The following HHAT variants were observed in gnomAD, a reference collection of about 807,000 sequenced individuals.
HHAT encodes the protein protein-cysteine N-palmitoyltransferase HHAT.
Under a neutral mutation model 70.8 loss-of-function variants are expected in HHAT, and 47 were observed. That is an observed-to-expected ratio of 0.66 (90% confidence interval 0.53 to 0.85). The LOEUF (loss-of-function observed/expected upper bound fraction) is 0.85, where lower values mean the gene tolerates loss of function less well. HHAT is among the 40% of genes least tolerant of loss of function. HHAT has a pLI of 0.00. For synonymous variants in HHAT, 228 were observed against 247.6 expected, an observed-to-expected ratio of 0.92 and a Z score of 0.74; for missense variants, 609 against 604.8, an observed-to-expected ratio of 1.01 and a Z score of -0.07.
intron 5 of HHAT, among the ~76,000 whole-genome samples, chr1:210,402,204 C>T (rs1383759329): frequency 2.0e-5 from 3 of 152,220 alleles, no homozygotes; most frequent in African/African-American, 7.2e-5. Flanking sequence ...TCTGGGCACT[C>T]AGCTTCAGAG....
intron 8 of HHAT, among the ~76,000 whole-genome samples, chr1:210,507,720 C>T (rs902116282): frequency 6.6e-6 from 1 of 151,976 alleles, no homozygotes; most frequent in Non-Finnish European, 1.5e-5. Flanking sequence ...GATGGCCCTA[C>T]AAGGGAGGCC....
chr1:210,627,357 C>A (rs1259607898), intron 11 of HHAT, among the ~76,000 whole-genome samples: 1 of 152,150 alleles, frequency 6.6e-6, no homozygotes. Flanking sequence ...TCTCATGATT[C>A]GCCTGGAAAA....
At chr1:210,405,789 T>C (rs768359043) in intron 6 of HHAT, among the ~76,000 whole-genome samples, 2 of 152,252 alleles carry the variant, frequency 1.3e-5, no homozygotes, top group Non-Finnish European at 2.9e-5. Context: ...GAAATTGATA[T>C]TCTAGACAGA....
intron 9 of HHAT, among the ~76,000 whole-genome samples, chr1:210,564,422 A>T (rs751644656): frequency 3.8e-4 from 58 of 152,330 alleles, no homozygotes; most frequent in Admixed American, 1.2e-3. Context: ...GAAAACAGAG[A>T]GCTCCATTGG....
At chr1:210,639,158 C>A (rs1672509682) in intron 11 of HHAT, among the ~76,000 whole-genome samples, 2 of 152,180 alleles carry the variant, frequency 1.3e-5, no homozygotes, top group African/African-American at 4.8e-5. Flanking sequence ...CACCCAACAG[C>A]CTGTCCACTC....
intron 3 of HHAT, among the ~76,000 whole-genome samples, chr1:210,374,716 T>C (rs2090036575): frequency 6.6e-6 from 1 of 152,078 alleles, no homozygotes; most frequent in African/African-American, 2.4e-5. Context: ...GCAGCAGTAG[T>C]ACAGAGAGGC....
chr1:210,552,938 G>A (rs2095539599), intron 9 of HHAT, among the ~76,000 whole-genome samples: 1 of 152,190 alleles, frequency 6.6e-6, no homozygotes. Flanking sequence ...TGGTCTGTGA[G>A]GTCAGGGAGC....
chr1:210,411,213 A>G lies in HHAT; in HGVS notation c.684+6534A>G, dbSNP rs1030057937. Among the ~76,000 whole-genome samples the G allele has an allele frequency of 2.6e-5, 4 of 152,248 alleles. No homozygotes were observed. The East Asian group carries it at 7.7e-4, about 29-fold the overall frequency. ...TCTGGCCTCCTCCTGGCTCCCTTCC[A>G]GTCCAGCTGCTATCTCTCCACTCCC... On this transcript the variant is annotated intron_variant, in intron 6 of 11. Transcript: ENST00000261458.
chr1:210,422,946 A>G (rs1387448303), intron 7 of HHAT, among the ~76,000 whole-genome samples: 1 of 152,144 alleles, frequency 6.6e-6, no homozygotes, highest in Non-Finnish European at 1.5e-5. Flanking sequence ...TTTAAATACC[A>G]CATTTTCTTT....
chr1:210,443,437 G>T (rs2093569955), intron 7 of HHAT, among the ~76,000 whole-genome samples: 1 of 148,550 alleles, frequency 6.7e-6, no homozygotes, highest in South Asian at 2.2e-4. Context: ...ACCTTGGGCA[G>T]TATGGCCATT....
At chr1:210,665,582 C>T (rs1678718547) in intron 11 of HHAT, among the ~76,000 whole-genome samples, 1 of 152,166 alleles carries the variant, frequency 6.6e-6, no homozygotes, top group African/African-American at 2.4e-5. Flanking sequence ...GGTGCTGGAG[C>T]CTCTAGCTAG....
intron 8 of HHAT, among the ~76,000 whole-genome samples, chr1:210,505,599 A>G (rs1402487113): frequency 6.6e-6 from 1 of 152,146 alleles, no homozygotes; most frequent in Non-Finnish European, 1.5e-5. Flanking sequence ...TCTAGGTATA[A>G]ACTTTATCAC....
intron 4 of HHAT, among the ~76,000 whole-genome samples, chr1:210,394,376 C>T (rs2091656863): frequency 6.6e-6 from 1 of 151,864 alleles, no homozygotes; most frequent in African/African-American, 2.4e-5. Flanking sequence ...GGAGCCAGTG[C>T]CCCTGGAGGG....
intron 10 of HHAT, among the ~76,000 whole-genome samples, chr1:210,609,945 G>A (rs921893983): frequency 6.6e-6 from 1 of 152,128 alleles, no homozygotes; most frequent in African/African-American, 2.4e-5. Context: ...CCATGTCTTT[G>A]CTATTGTGAA....
intron 2 of HHAT, among the ~76,000 whole-genome samples, chr1:210,362,430 T>C (rs1030241541): frequency 6.6e-6 from 1 of 152,174 alleles, no homozygotes; most frequent in African/African-American, 2.4e-5. Flanking sequence ...TTTCACCACA[T>C]TGGTCAGGCT....
At chr1:210,594,660 A>G (rs2148805523) in intron 10 of HHAT, among the ~76,000 whole-genome samples, 1 of 152,266 alleles carries the variant, frequency 6.6e-6, no homozygotes, top group African/African-American at 2.4e-5. Flanking sequence ...GCACCTTCAG[A>G]TGATTTCTTA....
chr1:210,436,222 T>A (rs56888576), intron 7 of HHAT, among the ~76,000 whole-genome samples: 1,936 of 151,948 alleles, frequency 0.013, 91 homozygotes, highest in African/African-American at 0.043. Flanking sequence ...AGAGTGCCCT[T>A]TGCCTATTGT....
chr1:210,480,610 A>G (rs2501891), intron 8 of HHAT, among the ~76,000 whole-genome samples: 28,289 of 152,102 alleles, frequency 0.19, 2,870 homozygotes, highest in East Asian at 0.42. Context: ...TTCTGTTTGG[A>G]GCCCGTTACA....
chr1:210,361,501 G>T (rs2088312316), intron 2 of HHAT, among the ~76,000 whole-genome samples: 2 of 151,830 alleles, frequency 1.3e-5, no homozygotes. Flanking sequence ...TCTCTTTTCT[G>T]TTGTTACTAA....
Sources: gnomAD v4.1 joint callset for allele counts (sites outside exome capture counted in the v4.1 genomes callset) on GRCh38, gnomAD v4.1.1 for gene constraint, MANE v1.5 for transcripts, NCBI Gene and HGNC (gene_info 2026-07-23, HGNC 2026-07-21) for gene names.